LINGO2: variants seen among roughly 807,000 people sequenced by gnomAD.
LINGO2 encodes leucine rich repeat and Ig domain containing 2, also known as leucine-rich repeat and immunoglobulin-like domain-containing nogo receptor-interacting protein 2.
Under a neutral mutation model 30.6 loss-of-function variants are expected in LINGO2, and 14 were observed. That is an observed-to-expected ratio of 0.46 (90% confidence interval 0.30 to 0.72). LINGO2 has a LOEUF of 0.72. LINGO2 is among the 30% of genes least tolerant of loss of function. LINGO2 has a pLI of 0.07. For missense variants in LINGO2, 729 were observed against 751.7 expected (o/e 0.97, Z 0.35); for synonymous variants, 317 against 288.5 (o/e 1.10, Z -1.00).
At chr9:29,138,474 T>C in the LINGO2 span, among the ~76,000 whole-genome samples, 1 of 152,168 alleles carries the variant, frequency 6.6e-6, no homozygotes, top group Non-Finnish European at 1.5e-5. Flanking sequence ...AAAGAGTATA[T>C]ATTTTATGTT....
At chr9:28,902,766 C>T in the LINGO2 span, among the ~76,000 whole-genome samples, 8 of 151,704 alleles carry the variant, frequency 5.3e-5, no homozygotes, top group Admixed American at 2.0e-4. Context: ...GAAATTAAAC[C>T]TCATTCTGAA....
intron 2 of LINGO2, among the ~76,000 whole-genome samples, chr9:28,474,764 T>A (rs1226657604): frequency 6.6e-6 from 1 of 152,192 alleles, no homozygotes; most frequent in African/African-American, 2.4e-5. Context: ...TTACCAGTGC[T>A]GTATGGTCAG....
At chr9:28,568,105 C>A (rs187711536) in intron 1 of LINGO2, among the ~76,000 whole-genome samples, 1 of 152,160 alleles carries the variant, frequency 6.6e-6, no homozygotes, top group East Asian at 1.9e-4. Context: ...TCTCATCTCC[C>A]CACAGTGAAC....
chr9:28,055,894 C>G (rs796138305), intron 4 of LINGO2, among the ~76,000 whole-genome samples: 1 of 152,100 alleles, frequency 6.6e-6, no homozygotes, highest in Non-Finnish European at 1.5e-5. Flanking sequence ...TTAAATGTGG[C>G]TGATTACCAC....
At chr9:27,949,472 G>A (rs1235734992) in exon 6 of LINGO2, 1 of 1,614,056 alleles carries the variant, frequency 6.2e-7, no homozygotes, top group Admixed American at 1.7e-5. Context: ...AAAAAGAAAG[G>A]GCAGTGCTAT....
chr9:28,087,550 T>G (rs1825949336), intron 4 of LINGO2, among the ~76,000 whole-genome samples: 1 of 152,030 alleles, frequency 6.6e-6, no homozygotes, highest in African/African-American at 2.4e-5. Context: ...ATTCTTTCAT[T>G]CTTCATTCAT....
Position 28,148,702 on chromosome 9 carries a change from C to T in LINGO2, c.-86-136297G>A, listed in dbSNP as rs1965863. ...GTTTCTACTCCAACGGCCATGGAGT[C>T]GCCAGTTCACACAGCCCTGCTGGAG... On this transcript the variant is annotated intron_variant, in intron 4 of 5. Transcript: ENST00000379992. The surrounding 1 kb of genome is among the most constrained non-coding windows in gnomAD (Gnocchi z 5.1). 0.49 allele frequency: 746,212 copies of T among 1,530,160 alleles called. 186,083 individuals are homozygous for T. The highest frequency in any genetic ancestry group is 0.64 in the East Asian group (26,324 of 40,852). 94.8% of individuals were successfully genotyped at this position (1,530,160 alleles called of 1,614,324 possible).
At chr9:28,806,366 G>A in the LINGO2 span, among the ~76,000 whole-genome samples, 1 of 152,132 alleles carries the variant, frequency 6.6e-6, no homozygotes, top group African/African-American at 2.4e-5. Context: ...TGTATTTACT[G>A]TCAAGGTCCT....
chr9:28,029,822 G>A (rs931019536), intron 4 of LINGO2, among the ~76,000 whole-genome samples: 4 of 152,140 alleles, frequency 2.6e-5, no homozygotes, highest in East Asian at 1.9e-4. Context: ...TTCAACTGTT[G>A]TATGTATTAT....
At chr9:28,818,926 A>C in the LINGO2 span, among the ~76,000 whole-genome samples, 1 of 152,206 alleles carries the variant, frequency 6.6e-6, no homozygotes, top group Non-Finnish European at 1.5e-5. Context: ...TGTTTTCTTC[A>C]AAACCAATCA....
chr9:28,194,137 A>G (rs564456088), intron 4 of LINGO2, among the ~76,000 whole-genome samples: 1 of 152,184 alleles, frequency 6.6e-6, no homozygotes, highest in Non-Finnish European at 1.5e-5. Flanking sequence ...TCAAATAGTA[A>G]GAACAAATGA....
intron 1 of LINGO2, among the ~76,000 whole-genome samples, chr9:28,629,907 T>A (rs1318273423): frequency 6.6e-6 from 1 of 151,850 alleles, no homozygotes; most frequent in Non-Finnish European, 1.5e-5. Context: ...TATCTCCCGA[T>A]GCTATCCCTC....
chr9:29,118,701 C>G, the LINGO2 span, among the ~76,000 whole-genome samples: 6 of 152,148 alleles, frequency 3.9e-5, no homozygotes, highest in Admixed American at 1.3e-4. Context: ...TGTCCTGAAG[C>G]CAGCCCCAAC....
exon 6 of LINGO2, chr9:27,950,103 G>C: frequency 6.2e-7 from 1 of 1,614,078 alleles, no homozygotes. Context: ...TGGTACTGCT[G>C]TTAAGTTGCA....
At chr9:28,762,242 T>C in the LINGO2 span, among the ~76,000 whole-genome samples, 1 of 151,986 alleles carries the variant, frequency 6.6e-6, no homozygotes, top group African/African-American at 2.4e-5. Flanking sequence ...ATAGCCAATA[T>C]AAGAGGCTGT....
the LINGO2 span, among the ~76,000 whole-genome samples, chr9:28,790,430 G>A: frequency 6.9e-5 from 10 of 145,232 alleles, no homozygotes; most frequent in Admixed American, 2.1e-4. Flanking sequence ...CCGGGTTCAC[G>A]CCATTCTCCT....
intron 1 of LINGO2, among the ~76,000 whole-genome samples, chr9:28,652,385 A>G (rs1271071701): frequency 6.6e-6 from 1 of 152,170 alleles, no homozygotes; most frequent in African/African-American, 2.4e-5. Flanking sequence ...ATACTGCTTA[A>G]TCCCACTTTA....
Position 28,619,350 on chromosome 9 carries a change from G to T in LINGO2, c.-365+50850C>A, listed in dbSNP as rs369845388. ...AACTAGAAGGATTCGACAAAACAAA[G>T]AAGCAGTTTGGGATTTAAAGAGATC... On this transcript the variant is annotated intron_variant, in intron 1 of 5. Transcript: ENST00000379992. Among the ~76,000 whole-genome samples the T allele has an allele frequency of 2.6e-5, 4 of 152,074 alleles. No individual in the cohort carries two copies. In the East Asian group the frequency reaches 5.8e-4, roughly 22 times the overall value.
intron 1 of LINGO2, among the ~76,000 whole-genome samples, chr9:28,623,943 G>A (rs1453643950): frequency 6.6e-6 from 1 of 151,610 alleles, no homozygotes; most frequent in African/African-American, 2.4e-5. Flanking sequence ...TTAATTTTAT[G>A]TATGGGGATT....
Sources: allele counts gnomAD v4.1 joint callset (sites outside exome capture counted in the v4.1 genomes callset), GRCh38; gene constraint gnomAD v4.1.1; non-coding constraint Gnocchi (gnomAD v3.1); transcripts MANE v1.5; gene names NCBI Gene and HGNC (gene_info 2026-07-23, HGNC 2026-07-21).